Variants in ST3GAL6 observed in about 807,000 individuals in gnomAD.
ST3GAL6 encodes the protein ST3 beta-galactoside alpha-2,3-sialyltransferase 6.
A neutral mutation model predicts 40.5 loss-of-function variants in ST3GAL6; 31 were observed. The observed-to-expected ratio is 0.77, with a 90% CI of 0.58 to 1.03. ST3GAL6 has a LOEUF of 1.03. ST3GAL6 is among the 50% of genes least tolerant of loss of function. The pLI is 0.00. For synonymous variants in ST3GAL6, 129 were observed against 136.9 expected, an observed-to-expected ratio of 0.94 and a Z score of 0.40; for missense variants, 357 against 393.2, an observed-to-expected ratio of 0.91 and a Z score of 0.78.
At chr3:98,733,245 C>T (rs1935206476) in intron 1 of ST3GAL6, 1 of 977,348 alleles carries the variant, frequency 1.0e-6, no homozygotes. Context: ...TGCGCCGCAG[C>T]CACCGCCGAG....
At chr3:98,742,099 C>T (rs1369454638) in intron 1 of ST3GAL6, among the ~76,000 whole-genome samples, 1 of 152,180 alleles carries the variant, frequency 6.6e-6, no homozygotes, top group African/African-American at 2.4e-5. Context: ...ATGTGTATGA[C>T]AATGTACAAA....
chr3:98,791,341 C>T (rs1486167442), intron 8 of ST3GAL6, among the ~76,000 whole-genome samples: 1 of 152,146 alleles, frequency 6.6e-6, no homozygotes, highest in African/African-American at 2.4e-5. Context: ...ATTAGCCTTT[C>T]CCTAGAGTTA....
At chr3:98,739,162 T>C (rs1576020647) in intron 1 of ST3GAL6, among the ~76,000 whole-genome samples, 2 of 152,098 alleles carry the variant, frequency 1.3e-5, no homozygotes, top group South Asian at 4.1e-4. Flanking sequence ...AGAACAAAGA[T>C]ACAGTATACC....
intron 8 of ST3GAL6, 41 bp downstream of exon 8, chr3:98,788,504 G>C: frequency 1.3e-6 from 2 of 1,553,942 alleles, no homozygotes; most frequent in Non-Finnish European, 1.7e-6. Context: ...TACAGATCTG[G>C]CTGAGGTAGG....
In ST3GAL6 at chr3:98,785,021, TC is replaced by T. The variant is rs1559752368; in HGVS notation, c.414del (p.Tyr139MetfsTer3). 2.5e-6 allele frequency: 4 copies of T among 1,604,850 alleles called. No individual in the cohort carries two copies. The South Asian group carries it at 4.4e-5, about 18-fold the overall frequency. ...KNKTLGEKID[S>X]YDVIIRMNNG... is the part of the protein sequence containing the mutation. ...TAAGACATTAGGAGAAAAAATCGAC[TC>T]CTATGATGTAATAATAAGGTAAATA... On this transcript the variant is annotated frameshift_variant, in exon 6 of 10. Coordinates refer to ENST00000483910, the MANE Select transcript of ST3GAL6 (RefSeq NM_001323368.2). LOFTEE classifies it high-confidence loss of function.
Position 98,772,905 on chromosome 3 carries a change from T to A in ST3GAL6, c.260T>A (p.Met87Lys). 6.2e-7 allele frequency: 1 copy of A among 1,608,720 alleles called. No individual in the cohort carries two copies. Among genetic ancestry groups the A allele is most frequent in the Non-Finnish European group, 8.5e-7 (1 of 1,175,338 alleles). Residue 87 changes from methionine to lysine, a missense_variant, in exon 4 of 10, where the codon ATG (methionine) becomes AAG (lysine). Physicochemically the swap from Met to Lys is moderately conservative, Grantham distance 95 (BLOSUM62 -1). Transcript: ENST00000483910. The part of the protein sequence containing the change: ...GSDKFDLPYG[M>K]RTSAEYFRLA... ...GATAAGTTTGATTTGCCCTATGGGATGAGAACATCAGGTCAGTAGTAGTAT... is the reference window on the plus strand; with the variant it reads ...GATAAGTTTGATTTGCCCTATGGGAAGAGAACATCAGGTCAGTAGTAGTAT...
chr3:98,776,421 G>T (rs1238230384), intron 5 of ST3GAL6, among the ~76,000 whole-genome samples: 1 of 152,176 alleles, frequency 6.6e-6, no homozygotes, highest in African/African-American at 2.4e-5. Context: ...TCTTTCTCAG[G>T]CAGAGAATTT....
At chr3:98,762,096 G>T (rs908017189), upstream of ST3GAL6, among the ~76,000 whole-genome samples, 1 of 133,908 alleles carries the variant, frequency 7.5e-6, no homozygotes, top group South Asian at 2.5e-4. Flanking sequence ...GAAAGCACTG[G>T]TGAAAGCACT....
intron 1 of ST3GAL6, among the ~76,000 whole-genome samples, chr3:98,733,177 G>A (rs1935193640): frequency 6.6e-6 from 1 of 152,214 alleles, no homozygotes; most frequent in African/African-American, 2.4e-5. Flanking sequence ...GCACCAAGGA[G>A]GTGGCGTGCG....
intron 5 of ST3GAL6, among the ~76,000 whole-genome samples, chr3:98,777,369 G>A (rs9870500): frequency 0.054 from 8,253 of 152,236 alleles, 244 homozygotes; most frequent in African/African-American, 0.076. Flanking sequence ...ATGGGAATTG[G>A]CAAACATTAC....
At chr3:98,757,747 A>G (rs2107374132) in intron 1 of ST3GAL6, among the ~76,000 whole-genome samples, 1 of 152,210 alleles carries the variant, frequency 6.6e-6, no homozygotes, top group Admixed American at 6.5e-5. Context: ...CCTTTCGTAA[A>G]GGTTGGTTTT....
chr3:98,788,783 G>C (rs1290068220), intron 8 of ST3GAL6, among the ~76,000 whole-genome samples: 1 of 152,178 alleles, frequency 6.6e-6, no homozygotes, highest in African/African-American at 2.4e-5. Flanking sequence ...TGACTGGGTG[G>C]GCTGACGGGC....
chr3:98,759,211 C>G (rs1458402498), upstream of ST3GAL6, among the ~76,000 whole-genome samples: 1 of 152,092 alleles, frequency 6.6e-6, no homozygotes, highest in Non-Finnish European at 1.5e-5. Flanking sequence ...GAGATCATTG[C>G]TAGTAGCTAA....
chr3:98,753,489 A>G (rs1453118588), intron 1 of ST3GAL6, among the ~76,000 whole-genome samples: 1 of 152,248 alleles, frequency 6.6e-6, no homozygotes, highest in African/African-American at 2.4e-5. Flanking sequence ...CATTGTAGAC[A>G]GACAGTCTTC....
chr3:98,745,956 C>T (rs905329639), intron 1 of ST3GAL6, among the ~76,000 whole-genome samples: 14 of 152,082 alleles, frequency 9.2e-5, no homozygotes, highest in African/African-American at 2.2e-4. Flanking sequence ...CATACTCTCT[C>T]GGCTCAGACA....
intron 1 of ST3GAL6, among the ~76,000 whole-genome samples, chr3:98,737,618 A>G (rs1935670330): frequency 6.6e-6 from 1 of 152,144 alleles, no homozygotes; most frequent in East Asian, 1.9e-4. Context: ...CAATTTTTAG[A>G]TAGAAAATTA....
rs544326434 is a variant in ST3GAL6, at chr3:98,773,247, T to G, written c.271+331T>G. ...TAGCAGGAAAACCTGAGGGTTAGCTTCCTTCCTAGCTTCCCATGGCTTCTT... is the reference window on the plus strand; with the variant it reads ...TAGCAGGAAAACCTGAGGGTTAGCTGCCTTCCTAGCTTCCCATGGCTTCTT... On this transcript the variant is annotated intron_variant, in intron 4 of 9. Coordinates refer to ENST00000483910, the MANE Select transcript of ST3GAL6 (RefSeq NM_001323368.2). 2.1e-4 allele frequency: 35 copies of G among 168,030 alleles called. No individual in the cohort carries two copies. In the East Asian group the frequency reaches 4.1e-3, roughly 19 times the overall value. The allele number at this position is 168,030 out of a possible 1,614,324, so 10.4% of individuals were successfully genotyped here.
upstream of ST3GAL6, among the ~76,000 whole-genome samples, chr3:98,762,373 A>G (rs1387359693): frequency 1.3e-5 from 2 of 152,228 alleles, no homozygotes; most frequent in African/African-American, 4.8e-5. Flanking sequence ...TTACTCAGCA[A>G]TGTCAGAGTT....
Position 98,763,372 on chromosome 3 carries a change from G to A in ST3GAL6, c.-79G>A. The A allele has an allele frequency of 7.8e-7, 1 of 1,289,850 alleles. No individual in the cohort carries two copies. The highest frequency in any genetic ancestry group is 1.0e-6 in the Non-Finnish European group (1 of 988,882). The allele number at this position is 1,289,850 out of a possible 1,614,324, so 79.9% of individuals were successfully genotyped here. The stretch of plus-strand genomic sequence containing the variant: ...GCTGAAGACCAGCAGAGACTAGGAT[G>A]GATGACGGCCTGTCCAGGGGCTGAA... On this transcript the variant is annotated 5_prime_UTR_variant, in exon 1 of 10. The change abolishes an upstream ATG in the 5' untranslated region. Transcript: ENST00000483910.
Sources: gnomAD v4.1 joint callset for allele counts (sites outside exome capture counted in the v4.1 genomes callset) on GRCh38, gnomAD v4.1.1 for gene constraint, MANE v1.5 for transcripts, NCBI Gene and HGNC (gene_info 2026-07-23, HGNC 2026-07-21) for gene names.